ZFHX3: variants seen among roughly 807,000 people sequenced by gnomAD.
ZFHX3 encodes the protein zinc finger homeobox 3.
In ZFHX3, 42 loss-of-function variants were observed where a neutral mutation model predicts 279.1. The observed-to-expected ratio is 0.15, with a 90% CI of 0.12 to 0.19. ZFHX3 has a LOEUF of 0.19. ZFHX3 is among the 10% of genes least tolerant of loss of function. The probability of loss-of-function intolerance (pLI) is 1.00; values close to 1 mark genes in which losing one functional copy is unlikely to be tolerated. For synonymous variants in ZFHX3, 2,293 were observed against 1,957.8 expected, an observed-to-expected ratio of 1.17 and a Z score of -4.52; for missense variants, 4,981 against 4,754.0, an observed-to-expected ratio of 1.05 and a Z score of -1.40.
chr16:73,398,253 T>C (rs546876522), intron 3 of ZFHX3, among the ~76,000 whole-genome samples: 181 of 152,202 alleles, frequency 1.2e-3, no homozygotes, highest in Non-Finnish European at 1.6e-3. Context: ...ATCAACAGAA[T>C]TTAAAGCCAC....
chr16:72,824,639 T>C (rs2036888972), intron 5 of ZFHX3, among the ~76,000 whole-genome samples: 1 of 152,220 alleles, frequency 6.6e-6, no homozygotes, highest in Non-Finnish European at 1.5e-5. Context: ...ACTCTGTGGC[T>C]GGAAACCATG....
rs1689051684 is a variant in ZFHX3, at chr16:72,928,188, AGGGGG to A, written c.3216+22276_3216+22280del. On this transcript the variant is annotated intron_variant, in intron 3 of 9. Coordinates refer to ENST00000268489, the MANE Select transcript of ZFHX3 (RefSeq NM_006885.4). ...AGAGGGAGGGGGAGGGGAGAGAGGG[AGGGGG>A]AGGGGAGCGAGGGGGAGCGAAGGGG... is the stretch of plus-strand genomic sequence containing the variant. Among the ~76,000 whole-genome samples, 2 of 5,096 alleles carry A rather than the reference AGGGGG, an allele frequency of 3.9e-4. 1 individual carries two copies. 3.3% of individuals were successfully genotyped at this position (5,096 alleles called of 152,430 possible).
intron 2 of ZFHX3, among the ~76,000 whole-genome samples, chr16:73,494,082 G>T (rs914351145): frequency 6.6e-6 from 1 of 152,038 alleles, no homozygotes; most frequent in Non-Finnish European, 1.5e-5. Flanking sequence ...TCTTGAAGCT[G>T]GCAGGCAAAG....
At chr16:73,868,688 T>C (rs907256223) in intron 1 of ZFHX3, among the ~76,000 whole-genome samples, 2 of 152,176 alleles carry the variant, frequency 1.3e-5, no homozygotes, top group Non-Finnish European at 2.9e-5. Flanking sequence ...AACCTAAGCA[T>C]ATTAACTGAA....
At chr16:73,280,158 C>A (rs2014421106) in intron 4 of ZFHX3, among the ~76,000 whole-genome samples, 1 of 152,068 alleles carries the variant, frequency 6.6e-6, no homozygotes, top group Non-Finnish European at 1.5e-5. Flanking sequence ...GACCTGACAC[C>A]ATAACACTCT....
At chr16:73,559,216 T>C (rs922895785) in intron 2 of ZFHX3, among the ~76,000 whole-genome samples, 8 of 152,178 alleles carry the variant, frequency 5.3e-5, no homozygotes, top group African/African-American at 1.9e-4. Context: ...CCCAGCTGAT[T>C]TTTTTTATTT....
At chr16:73,015,237 G>A (rs956599329) in intron 1 of ZFHX3, 1 of 151,800 alleles carries the variant, frequency 6.6e-6, no homozygotes, top group South Asian at 2.1e-4. Context: ...TGTAGAGACA[G>A]GGTTTTGCTG....
chr16:73,399,401 G>A (rs147445668), intron 3 of ZFHX3, among the ~76,000 whole-genome samples: 540 of 152,262 alleles, frequency 3.5e-3, no homozygotes, highest in Non-Finnish European at 6.2e-3. Flanking sequence ...GGGGACTCCG[G>A]TTTCCTGGAT....
At chr16:73,398,854 T>TG (rs2017186239) in intron 3 of ZFHX3, among the ~76,000 whole-genome samples, 1 of 74,134 alleles carries the variant, frequency 1.3e-5, no homozygotes, top group Non-Finnish European at 3.3e-5. Context: ...TAAGTGGCAG[T>TG]GGTTTTTTTT....
chr16:72,821,180 C>G (rs991497786), intron 5 of ZFHX3, among the ~76,000 whole-genome samples: 2 of 152,154 alleles, frequency 1.3e-5, no homozygotes, highest in Admixed American at 1.3e-4. Flanking sequence ...AACTGGCCTT[C>G]CCTCATGATC....
At chr16:72,804,630 G>A (rs551231521) in intron 7 of ZFHX3, among the ~76,000 whole-genome samples, 57 of 152,252 alleles carry the variant, frequency 3.7e-4, no homozygotes, top group Non-Finnish European at 7.4e-4. Flanking sequence ...TCTATGAGGT[G>A]AGTGGACCCT....
chr16:73,651,590 A>G (rs1208614886), intron 2 of ZFHX3, among the ~76,000 whole-genome samples: 1 of 149,692 alleles, frequency 6.7e-6, no homozygotes, highest in African/African-American at 2.5e-5. Context: ...GTAATCCACT[A>G]CTTTGGGAGG....
chr16:73,562,085 C>T (rs1167432700), intron 2 of ZFHX3, among the ~76,000 whole-genome samples: 1 of 152,136 alleles, frequency 6.6e-6, no homozygotes, highest in Non-Finnish European at 1.5e-5. Flanking sequence ...TCATTAACAT[C>T]CTCCTTCAAA....
intron 3 of ZFHX3, among the ~76,000 whole-genome samples, chr16:73,320,249 A>T (rs1231365421): frequency 6.6e-6 from 1 of 152,214 alleles, no homozygotes; most frequent in Non-Finnish European, 1.5e-5. Flanking sequence ...ATGACCCCTT[A>T]TTTAAAAAAC....
In ZFHX3 at chr16:73,569,168, A is replaced by G. The variant is rs118167968; in HGVS notation, c.-1547+111012T>C. On this transcript the variant is annotated intron_variant, in intron 2 of 17. Coordinates refer to the ZFHX3 transcript ENST00000641206. ...TTCCCAAGCTGACTTATAAGAAAGG[A>G]GAAAATGGGATGGGAAGGAATATAG... 3.6e-4 allele frequency among the ~76,000 whole-genome samples: 55 copies of G among 152,286 alleles called. 1 individual carries two copies. In the East Asian group the frequency reaches 7.5e-3, roughly 21 times the overall value.
Position 73,784,796 on chromosome 16 carries a change from A to AAAAAAAAT in ZFHX3, c.-1607-104557_-1607-104556insATTTTTTT, listed in dbSNP as rs56734827. 7.6e-5 allele frequency among the ~76,000 whole-genome samples: 10 copies of AAAAAAAAT among 131,110 alleles called. No homozygotes were observed. In the East Asian group the frequency reaches 8.8e-4, roughly 12 times the overall value. The allele number at this position is 131,110 out of a possible 152,430, so 86.0% of individuals were successfully genotyped here. A position where few individuals can be genotyped will look rare whatever the true frequency, so the allele number is the denominator to read the frequency against. On this transcript the variant is annotated intron_variant, in intron 1 of 17. Coordinates refer to the ZFHX3 transcript ENST00000641206. The stretch of plus-strand genomic sequence containing the variant: ...CTATTTTTAACAAAATAAAAAAAAA[A>AAAAAAAAT]ATATATATATATATATATATACACA...
chr16:73,842,840 G>A (rs1025440755), intron 1 of ZFHX3, among the ~76,000 whole-genome samples: 2 of 144,556 alleles, frequency 1.4e-5, no homozygotes, highest in African/African-American at 5.0e-5. Flanking sequence ...CCCACCCACC[G>A]CCACCTCCCA....
chr16:72,990,844 G>A (rs1255172565), intron 1 of ZFHX3, among the ~76,000 whole-genome samples: 1 of 152,156 alleles, frequency 6.6e-6, no homozygotes, highest in East Asian at 1.9e-4. Context: ...GCCGGGTGTG[G>A]CGGCACATGC....
chr16:73,167,607 C>T (rs1387833926), intron 5 of ZFHX3, among the ~76,000 whole-genome samples: 2 of 152,070 alleles, frequency 1.3e-5, no homozygotes, highest in Non-Finnish European at 2.9e-5. Flanking sequence ...AAACTGAGAA[C>T]GTTGGGTAAG....
Sources: allele counts gnomAD v4.1 joint callset (sites outside exome capture counted in the v4.1 genomes callset), GRCh38; gene constraint gnomAD v4.1.1; transcripts MANE v1.5; gene names NCBI Gene and HGNC (gene_info 2026-07-23, HGNC 2026-07-21).